Variants in GPD2 observed in about 807,000 individuals in gnomAD.
GPD2 encodes glycerol-3-phosphate dehydrogenase, mitochondrial.
GPD2 carries 54 observed loss-of-function variants against 82.4 expected under a neutral mutation model. That is an observed-to-expected ratio of 0.66 (90% CI 0.53 to 0.82). GPD2 has a LOEUF of 0.82. Among genes scored for constraint, GPD2 ranks in the 40% least tolerant of loss-of-function variants. The probability of loss-of-function intolerance (pLI) is 0.00; values close to 1 mark genes in which losing one functional copy is unlikely to be tolerated. For missense variants in GPD2, 748 were observed against 896.2 expected, an observed-to-expected ratio of 0.83 and a Z score of 2.11; for synonymous variants, 288 against 306.1, an observed-to-expected ratio of 0.94 and a Z score of 0.62.
At chr2:156,487,697 A>G (rs1434965395) in intron 2 of GPD2, among the ~76,000 whole-genome samples, 2 of 152,140 alleles carry the variant, frequency 1.3e-5, no homozygotes, top group East Asian at 3.8e-4. Flanking sequence ...TAGGCAACTA[A>G]TGGTTCTATT....
chr2:156,430,496 G>A (rs1474351288), upstream of GPD2, among the ~76,000 whole-genome samples: 1 of 152,206 alleles, frequency 6.6e-6, no homozygotes, highest in Non-Finnish European at 1.5e-5. Context: ...GTTCTGGAAA[G>A]CTAGAGAACC....
the GPD2 span, among the ~76,000 whole-genome samples, chr2:156,400,824 A>G: frequency 3.3e-5 from 5 of 152,196 alleles, no homozygotes; most frequent in Admixed American, 6.5e-5. Context: ...TCCCGGGTTC[A>G]ATCCCCGGCA....
intron 11 of GPD2, 131 bp downstream of exon 11, chr2:156,569,669 T>C (rs1479930397): frequency 2.6e-6 from 2 of 763,246 alleles, no homozygotes. Flanking sequence ...CAGTCTGTTA[T>C]GGAAGGAAAA....
At position 156,544,861 on chromosome 2, in the gene GPD2, C is replaced by T. The variant is rs1371078752; in HGVS notation, c.662-4747C>T. ...TCATTCTAAGCCCAGAGCCATTCTC[C>T]ACAATATCTTTTAAGATACATTCTC... On this transcript the variant is annotated intron_variant, in intron 6 of 16. Transcript: ENST00000438166. 2.0e-5 allele frequency among the ~76,000 whole-genome samples: 3 copies of T among 152,146 alleles called. No homozygotes were observed. The East Asian group carries it at 5.8e-4, about 29-fold the overall frequency.
chr2:156,535,316 AC>A (rs1686025469), intron 6 of GPD2, among the ~76,000 whole-genome samples: 1 of 143,420 alleles, frequency 7.0e-6, no homozygotes, highest in Non-Finnish European at 1.6e-5. Context: ...AGAGAAAAAG[AC>A]CTGGGAAAGA....
In GPD2 at chr2:156,583,800, G is replaced by A. The variant is rs1688118199; in HGVS notation, c.*882G>A. ...CCAAATTTATCTAATTATTACAGTAGTAATACATTTAAGAGTTAAAAATGT... is the reference window on the plus strand; with the variant it reads ...CCAAATTTATCTAATTATTACAGTAATAATACATTTAAGAGTTAAAAATGT... On this transcript the variant is annotated 3_prime_UTR_variant, in exon 17 of 17. Transcript: ENST00000438166. 6.6e-6 allele frequency: 1 copy of A among 152,388 alleles called. No individual in the cohort carries two copies. The highest frequency in any genetic ancestry group is 2.4e-5 in the African/African-American group (1 of 41,386). 9.4% of individuals were successfully genotyped at this position (152,388 alleles called of 1,614,324 possible).
intron 6 of GPD2, among the ~76,000 whole-genome samples, chr2:156,525,726 G>C (rs1232206357): frequency 1.3e-5 from 2 of 152,108 alleles, no homozygotes; most frequent in Admixed American, 6.6e-5. Flanking sequence ...TTTCCTATAA[G>C]TGTGGTTATG....
chr2:156,525,567 A>T (rs144339518), intron 6 of GPD2, among the ~76,000 whole-genome samples: 1,583 of 152,346 alleles, frequency 0.01, 7 homozygotes, highest in Non-Finnish European at 0.012. Flanking sequence ...GTTTTTAGAT[A>T]CAGTTCCACT....
chr2:156,474,068 G>A (rs893540379), intron 1 of GPD2, among the ~76,000 whole-genome samples: 1 of 152,110 alleles, frequency 6.6e-6, no homozygotes, highest in Non-Finnish European at 1.5e-5. Flanking sequence ...GTCTTGTTCT[G>A]TCTCCCAGGC....
intron 2 of GPD2, among the ~76,000 whole-genome samples, chr2:156,490,313 T>G (rs2105229685): frequency 6.6e-6 from 1 of 152,126 alleles, no homozygotes; most frequent in African/African-American, 2.4e-5. Flanking sequence ...AAGTAGGGCC[T>G]TAGGCTGTGT....
At chr2:156,484,400 G>A (rs1449217205) in intron 2 of GPD2, among the ~76,000 whole-genome samples, 1 of 152,028 alleles carries the variant, frequency 6.6e-6, no homozygotes, top group African/African-American at 2.4e-5. Flanking sequence ...GCCTCCCAAA[G>A]AGCCGGGATT....
chr2:156,433,450 C>T (rs899462999), upstream of GPD2, among the ~76,000 whole-genome samples: 1 of 152,256 alleles, frequency 6.6e-6, no homozygotes, highest in South Asian at 2.1e-4. Flanking sequence ...TGACTTAGTG[C>T]AAGAAGACAG....
intron 2 of GPD2, among the ~76,000 whole-genome samples, chr2:156,483,114 C>G (rs1271703014): frequency 7.1e-6 from 1 of 141,446 alleles, no homozygotes; most frequent in African/African-American, 2.6e-5. Context: ...GGACAAGAAG[C>G]AAAAAACAAA....
chr2:156,498,640 A>T (rs1443966070), intron 3 of GPD2, among the ~76,000 whole-genome samples: 2 of 152,118 alleles, frequency 1.3e-5, no homozygotes, highest in Admixed American at 6.5e-5. Context: ...GGCTTTATTG[A>T]ATAGATCACT....
At chr2:156,465,006 A>G (rs1683103029) in intron 1 of GPD2, among the ~76,000 whole-genome samples, 1 of 152,020 alleles carries the variant, frequency 6.6e-6, no homozygotes, top group Non-Finnish European at 1.5e-5. Flanking sequence ...ACCCATCACA[A>G]CGCCTGGCTA....
chr2:156,420,780 A>AT, the GPD2 span, among the ~76,000 whole-genome samples: 2 of 151,960 alleles, frequency 1.3e-5, no homozygotes, highest in Non-Finnish European at 2.9e-5. Flanking sequence ...TTTAGATCTC[A>AT]TTTTTTTCTC....
At chr2:156,493,671 G>A (rs915061610) in intron 2 of GPD2, among the ~76,000 whole-genome samples, 7 of 151,970 alleles carry the variant, frequency 4.6e-5, no homozygotes, top group African/African-American at 1.7e-4. Context: ...TCATAATATG[G>A]TCTTTAAACT....
At chr2:156,489,717 T>TCCC (rs1227290097) in intron 2 of GPD2, among the ~76,000 whole-genome samples, 4 of 117,658 alleles carry the variant, frequency 3.4e-5, no homozygotes, top group African/African-American at 1.4e-4. Context: ...CCTTCCTTCC[T>TCCC]TCCTTCCTCC....
intron 16 of GPD2, among the ~76,000 whole-genome samples, chr2:156,582,049 CAAAT>C (rs1028440228): frequency 6.6e-6 from 1 of 151,436 alleles, no homozygotes. Flanking sequence ...CTTTTTAAAA[CAAAT>C]AAAAAAGATT....
Sources: allele counts gnomAD v4.1 joint callset (sites outside exome capture counted in the v4.1 genomes callset), GRCh38; gene constraint gnomAD v4.1.1; transcripts MANE v1.5; gene names NCBI Gene and HGNC (gene_info 2026-07-23, HGNC 2026-07-21).